SLC25A21: variants seen among roughly 807,000 people sequenced by gnomAD.
SLC25A21 encodes the protein mitochondrial 2-oxodicarboxylate carrier.
Under a neutral mutation model 43.8 loss-of-function variants are expected in SLC25A21, and 47 were observed. That is an observed-to-expected ratio of 1.07 (90% CI 0.85 to 1.37). The LOEUF is 1.37. Ranked by LOEUF, SLC25A21 falls within the 40% of genes most tolerant of loss-of-function variation. The probability of loss-of-function intolerance (pLI) is 0.00; values close to 1 mark genes in which losing one functional copy is unlikely to be tolerated. For synonymous variants in SLC25A21, 131 were observed against 121.3 expected (o/e 1.08, Z -0.52); for missense variants, 352 against 350.2 (o/e 1.00, Z -0.04).
At chr14:36,862,063 C>T (rs552391676) in intron 2 of SLC25A21, among the ~76,000 whole-genome samples, 1 of 152,274 alleles carries the variant, frequency 6.6e-6, no homozygotes, top group African/African-American at 2.4e-5. Flanking sequence ...CAATGAGATA[C>T]CATCTCATGC....
intron 1 of SLC25A21, among the ~76,000 whole-genome samples, chr14:37,141,680 T>C (rs1032308703): frequency 2.6e-5 from 4 of 152,210 alleles, no homozygotes; most frequent in African/African-American, 9.7e-5. Flanking sequence ...CCATTAAAAA[T>C]CAGTTAATTT....
intron 3 of SLC25A21, among the ~76,000 whole-genome samples, chr14:36,764,272 A>G (rs1886316211): frequency 1.3e-5 from 2 of 151,902 alleles, no homozygotes; most frequent in South Asian, 4.2e-4. Flanking sequence ...ACTCGGTCCA[A>G]TAACAATGCC....
chr14:37,097,029 GTTT>G (rs1235443891), intron 1 of SLC25A21: 14 of 130,716 alleles, frequency 1.1e-4, no homozygotes, highest in East Asian at 9.4e-4. Context: ...TTTTTTTTTT[GTTT>G]TTTTTTTTTG....
At chr14:36,683,948 T>A (rs878947145) in intron 8 of SLC25A21, 68 bp from the exon 9 acceptor site, 4 of 1,182,098 alleles carry the variant, frequency 3.4e-6, no homozygotes, top group Non-Finnish European at 4.9e-6. Flanking sequence ...TTAGCTTTAT[T>A]GAGATAGGGA....
chr14:37,010,538 A>G (rs1020955323), intron 1 of SLC25A21, among the ~76,000 whole-genome samples: 2 of 152,204 alleles, frequency 1.3e-5, no homozygotes, highest in African/African-American at 2.4e-5. Flanking sequence ...AAGGAGAAGG[A>G]CATGAGCCTG....
chr14:36,705,523 A>G (rs1029170469), intron 7 of SLC25A21, among the ~76,000 whole-genome samples: 16 of 152,120 alleles, frequency 1.1e-4, no homozygotes, highest in African/African-American at 3.6e-4. Context: ...TTAGAATGGT[A>G]TTAATATAAA....
rs1001795748 is a variant in SLC25A21, at chr14:36,678,287, G to A, written c.*2371C>T. ...TTTCTGACACACAAATTATGTTAGA[G>A]TGACTGCTTTTTTCAGACAGCAGAT... On this transcript the variant is annotated 3_prime_UTR_variant, in exon 10 of 10. Coordinates refer to ENST00000331299, the MANE Select transcript of SLC25A21 (RefSeq NM_030631.4). 1.0e-5 allele frequency: 6 copies of A among 576,572 alleles called. No individual in the cohort carries two copies. Among genetic ancestry groups the A allele is most frequent in the Non-Finnish European group, 3.1e-6 (1 of 323,872 alleles). The allele number at this position is 576,572 out of a possible 1,614,324, so 35.7% of individuals were successfully genotyped here.
At chr14:37,158,220 C>T (rs1963882971) in intron 1 of SLC25A21, among the ~76,000 whole-genome samples, 2 of 152,092 alleles carry the variant, frequency 1.3e-5, no homozygotes, top group South Asian at 4.1e-4. Flanking sequence ...GTAATTCTCG[C>T]TATCATTCTA....
chr14:36,726,945 G>A (rs887220765), intron 5 of SLC25A21, among the ~76,000 whole-genome samples: 5 of 152,204 alleles, frequency 3.3e-5, no homozygotes, highest in African/African-American at 1.2e-4. Flanking sequence ...GAAGGAGGGA[G>A]AAAGGAATGT....
At chr14:37,113,144 C>T (rs1027352357) in intron 1 of SLC25A21, among the ~76,000 whole-genome samples, 4 of 151,962 alleles carry the variant, frequency 2.6e-5, no homozygotes, top group Admixed American at 2.6e-4. Flanking sequence ...TTCAACAGTC[C>T]AAAAAAATTT....
intron 1 of SLC25A21, among the ~76,000 whole-genome samples, chr14:36,941,806 T>C (rs889880521): frequency 6.6e-6 from 1 of 152,018 alleles, no homozygotes; most frequent in Non-Finnish European, 1.5e-5. Flanking sequence ...CTTAAATACA[T>C]AATTTTAGAG....
intron 2 of SLC25A21, among the ~76,000 whole-genome samples, chr14:36,843,558 ATATC>A (rs1317759978): frequency 5.3e-5 from 8 of 152,194 alleles, no homozygotes; most frequent in African/African-American, 9.6e-5. Context: ...CTCACTCTGT[ATATC>A]TATCAATACA....
intron 3 of SLC25A21, among the ~76,000 whole-genome samples, chr14:36,810,444 C>G (rs1888199778): frequency 6.6e-6 from 1 of 152,020 alleles, no homozygotes; most frequent in Admixed American, 6.6e-5. Flanking sequence ...CTTTCATTGG[C>G]TATGTAATAA....
intron 1 of SLC25A21, among the ~76,000 whole-genome samples, chr14:36,977,868 C>T (rs569223759): frequency 5.7e-4 from 87 of 151,544 alleles, no homozygotes; most frequent in Non-Finnish European, 9.0e-4. Flanking sequence ...TTTAGGAATT[C>T]CTCTTTGGGA....
chr14:36,826,986 G>GGGATGA (rs1288037152), intron 2 of SLC25A21, among the ~76,000 whole-genome samples: 6 of 152,194 alleles, frequency 3.9e-5, no homozygotes, highest in Non-Finnish European at 7.3e-5. Flanking sequence ...GATGAGGATG[G>GGGATGA]GGATGAGGAC....
At chr14:36,960,352 T>C (rs976238576) in intron 1 of SLC25A21, among the ~76,000 whole-genome samples, 3 of 152,092 alleles carry the variant, frequency 2.0e-5, no homozygotes, top group Admixed American at 1.3e-4. Flanking sequence ...GAAAATTTGC[T>C]TTCATAAAAC....
chr14:36,766,260 C>G (rs1413241135), intron 3 of SLC25A21, among the ~76,000 whole-genome samples: 2 of 152,288 alleles, frequency 1.3e-5, no homozygotes, highest in African/African-American at 4.8e-5. Flanking sequence ...AAAGTGTTCA[C>G]ATTTTACACC....
At chr14:36,965,004 C>T (rs1324205671) in intron 1 of SLC25A21, among the ~76,000 whole-genome samples, 2 of 152,020 alleles carry the variant, frequency 1.3e-5, no homozygotes, top group African/African-American at 4.8e-5. Context: ...TGGACTCTGA[C>T]TTTGCCTTTA....
intron 1 of SLC25A21, among the ~76,000 whole-genome samples, chr14:37,065,023 G>A (rs1276441039): frequency 6.6e-6 from 1 of 152,122 alleles, no homozygotes; most frequent in Non-Finnish European, 1.5e-5. Flanking sequence ...GGTCTATTTG[G>A]AAAAGACTGA....
Sources: allele counts gnomAD v4.1 joint callset (sites outside exome capture counted in the v4.1 genomes callset), GRCh38; gene constraint gnomAD v4.1.1; transcripts MANE v1.5; gene names NCBI Gene and HGNC (gene_info 2026-07-23, HGNC 2026-07-21).